TEAD1: variants seen among roughly 807,000 people sequenced by gnomAD.
The protein encoded by TEAD1 is TEA domain transcription factor 1.
Under a neutral mutation model 54.9 loss-of-function variants are expected in TEAD1, and 9 were observed. The observed-to-expected ratio is 0.16, with a 90% CI of 0.10 to 0.29. The LOEUF is 0.29. TEAD1 is among the 10% of genes least tolerant of loss of function. The pLI, the probability that TEAD1 is intolerant of heterozygous loss-of-function variation, is 1.00. For missense variants in TEAD1, 387 were observed against 535.9 expected (o/e 0.72, Z 2.74); for synonymous variants, 200 against 187.8 (o/e 1.07, Z -0.53).
intron 3 of TEAD1, among the ~76,000 whole-genome samples, chr11:12,789,082 A>G (rs1945743897): frequency 6.6e-6 from 1 of 152,220 alleles, no homozygotes; most frequent in Non-Finnish European, 1.5e-5. Flanking sequence ...AGACTCTTAC[A>G]CACATAATAA....
intron 1 of TEAD1, among the ~76,000 whole-genome samples, chr11:12,675,182 G>A (rs1943053215): frequency 6.6e-6 from 1 of 151,126 alleles, no homozygotes; most frequent in Non-Finnish European, 1.5e-5. Flanking sequence ...CGGGCGCCTT[G>A]GACGGGGTGC....
intron 2 of TEAD1, among the ~76,000 whole-genome samples, chr11:12,724,577 G>A (rs113787534): frequency 3.3e-5 from 5 of 152,212 alleles, no homozygotes; most frequent in Admixed American, 2.0e-4. Flanking sequence ...CATAAAATGC[G>A]CGTGCACACG....
At chr11:12,694,328 C>T (rs981938745) in intron 2 of TEAD1, among the ~76,000 whole-genome samples, 2 of 151,776 alleles carry the variant, frequency 1.3e-5, no homozygotes, top group Non-Finnish European at 1.5e-5. Flanking sequence ...AACAAACTAA[C>T]ACACTCGCCA....
chr11:12,932,339 G>A lies in TEAD1; in HGVS notation c.1167+2013G>A, dbSNP rs568835869. On this transcript the variant is annotated intron_variant, in intron 12 of 12. Coordinates refer to ENST00000527636, the MANE Select transcript of TEAD1 (RefSeq NM_021961.6). ...GCAGTCAGACGAGTAGAAGGTAAGT[G>A]TGACATCTACTGAGGATCTTAAGTG... Among the ~76,000 whole-genome samples, 9 of 152,268 alleles carry A rather than the reference G, an allele frequency of 5.9e-5. No homozygotes were observed. In the South Asian group the frequency reaches 1.9e-3, roughly 32 times the overall value.
chr11:12,786,834 A>G (rs1366989593), intron 3 of TEAD1, among the ~76,000 whole-genome samples: 2 of 152,200 alleles, frequency 1.3e-5, no homozygotes. Flanking sequence ...CAGGGAAGGA[A>G]GATAGGGAGG....
intron 3 of TEAD1, among the ~76,000 whole-genome samples, chr11:12,796,264 T>G (rs887168648): frequency 3.3e-5 from 5 of 152,186 alleles, no homozygotes; most frequent in Admixed American, 1.3e-4. Context: ...GGTGTGGAGA[T>G]AGCATATAGT....
chr11:12,829,691 G>A (rs1946732647), intron 3 of TEAD1, among the ~76,000 whole-genome samples: 1 of 152,212 alleles, frequency 6.6e-6, no homozygotes, highest in Non-Finnish European at 1.5e-5. Context: ...GCTTCTGCTA[G>A]CCTTTTACTG....
chr11:12,832,905 A>G lies in TEAD1; in HGVS notation c.203-29345A>G, dbSNP rs145242883. Among the ~76,000 whole-genome samples, 173 of 152,008 alleles carry G rather than the reference A, an allele frequency of 1.1e-3. 1 individual carries two copies. The highest frequency in any genetic ancestry group is 3.7e-3 in the African/African-American group (155 of 41,544). ...GCTAGTGCAGTCTTAGCACATTACA[A>G]TTGCTTGGCTGTAATTCCTCAGGGG... On this transcript the variant is annotated intron_variant, in intron 3 of 12. Transcript: ENST00000527636.
intron 10 of TEAD1, among the ~76,000 whole-genome samples, chr11:12,917,369 C>G (rs1181056285): frequency 6.6e-6 from 1 of 152,160 alleles, no homozygotes; most frequent in Admixed American, 6.5e-5. Context: ...GTTCCTTGAT[C>G]TTAGCCAGCC....
intron 5 of TEAD1, 115 bp downstream of exon 5, chr11:12,865,015 T>G (rs1183761059): frequency 3.5e-6 from 4 of 1,140,686 alleles, no homozygotes; most frequent in Non-Finnish European, 5.3e-6. Context: ...TCCTTGCATG[T>G]GAGAGCTGTT....
At chr11:12,884,068 T>C (rs188494262) in intron 9 of TEAD1, among the ~76,000 whole-genome samples, 227 of 152,062 alleles carry the variant, frequency 1.5e-3, no homozygotes, top group Non-Finnish European at 2.5e-3. Flanking sequence ...CATTATAATA[T>C]CATAAATACC....
chr11:12,852,466 G>A (rs1428410607), intron 3 of TEAD1, among the ~76,000 whole-genome samples: 3 of 129,514 alleles, frequency 2.3e-5, no homozygotes, highest in Admixed American at 1.7e-4. Flanking sequence ...TTTTTTTTTC[G>A]AGACAGAGTC....
chr11:12,831,897 A>G (rs1045002266), intron 3 of TEAD1, among the ~76,000 whole-genome samples: 1 of 152,188 alleles, frequency 6.6e-6, no homozygotes, highest in Non-Finnish European at 1.5e-5. Context: ...ATAGCATGTA[A>G]GATGCAGATA....
In TEAD1 at chr11:12,777,217, A is replaced by T. The variant is rs564025356; in HGVS notation, c.202+12783A>T. Among the ~76,000 whole-genome samples, 44 of 152,018 alleles carry T rather than the reference A, an allele frequency of 2.9e-4. No homozygotes were observed. The Middle Eastern group carries it at 0.01, about 35-fold the overall frequency. On this transcript the variant is annotated intron_variant, in intron 3 of 12. Coordinates refer to ENST00000527636, the MANE Select transcript of TEAD1 (RefSeq NM_021961.6). ...CCAGGATGTTTAATTTGTTTAAAAA[A>T]TTTTTTCTTTATTGCATTGTAGTCC...
chr11:12,736,839 T>A (rs1299046513), intron 2 of TEAD1, among the ~76,000 whole-genome samples: 1 of 152,218 alleles, frequency 6.6e-6, no homozygotes, highest in Non-Finnish European at 1.5e-5. Flanking sequence ...TAGGATCTCC[T>A]TTTGAAAAGT....
chr11:12,833,926 C>T (rs1185874480), intron 3 of TEAD1, among the ~76,000 whole-genome samples: 1 of 152,188 alleles, frequency 6.6e-6, no homozygotes, highest in Non-Finnish European at 1.5e-5. Flanking sequence ...CCCAACTAGA[C>T]CTTGAGCTTG....
At chr11:12,702,904 A>C (rs1943733913) in intron 2 of TEAD1, among the ~76,000 whole-genome samples, 1 of 152,180 alleles carries the variant, frequency 6.6e-6, no homozygotes, top group Non-Finnish European at 1.5e-5. Context: ...TAATTCTGTG[A>C]AGGAGGTAGT....
rs918514540 is a variant in TEAD1 at position 12,764,483 on chromosome 11, G to A, written c.202+49G>A. ...TGAAATACTACAACCTGCAGTTGTGGTAGGGGATAGATTGTAGCTGGTCTT... is the reference window on the plus strand; with the variant it reads ...TGAAATACTACAACCTGCAGTTGTGATAGGGGATAGATTGTAGCTGGTCTT... On this transcript the variant is annotated intron_variant, in intron 3 of 12. Coordinates refer to ENST00000527636, the MANE Select transcript of TEAD1 (RefSeq NM_021961.6). The A allele has an allele frequency of 5.0e-6, 8 of 1,597,022 alleles. No individual in the cohort carries two copies. In the Admixed American group the frequency reaches 6.7e-5, roughly 13 times the overall value.
chr11:12,748,451 G>C (rs984490921), intron 2 of TEAD1, among the ~76,000 whole-genome samples: 1 of 152,174 alleles, frequency 6.6e-6, no homozygotes, highest in Non-Finnish European at 1.5e-5. Context: ...GTGGCTGGAG[G>C]AGCAGGCTGA....
Sources: allele counts gnomAD v4.1 joint callset (sites outside exome capture counted in the v4.1 genomes callset), GRCh38; gene constraint gnomAD v4.1.1; transcripts MANE v1.5; gene names NCBI Gene and HGNC (gene_info 2026-07-23, HGNC 2026-07-21).